The following ANTXRL variants were observed in gnomAD, a reference collection of about 807,000 sequenced individuals.
The protein encoded by ANTXRL is anthrax toxin receptor-like.
Under a neutral mutation model 75.4 loss-of-function variants are expected in ANTXRL, and 63 were observed. That is an observed-to-expected ratio of 0.84 (90% CI 0.68 to 1.03). The LOEUF (loss-of-function observed/expected upper bound fraction) is 1.03, where lower values mean the gene tolerates loss of function less well. ANTXRL is among the 50% of genes least tolerant of loss of function. ANTXRL has a pLI of 0.00. For missense variants in ANTXRL, 797 were observed against 789.4 expected (o/e 1.01, Z -0.12); for synonymous variants, 335 against 291.3 (o/e 1.15, Z -1.53).
chr10:46,300,234 C>T (rs1837638320), intron 9 of ANTXRL, among the ~76,000 whole-genome samples: 1 of 152,172 alleles, frequency 6.6e-6, no homozygotes, highest in African/African-American at 2.4e-5. Context: ...CAAAGCTGCC[C>T]CACATGGAGG....
Position 46,313,283 on chromosome 10 carries a change from G to C in ANTXRL, c.1377G>C (p.Gln459His). ...FCDLSHASCHQVPWMCCQSRD... is the reference protein window; with the variant it reads ...FCDLSHASCHHVPWMCCQSRD... ...ACCTCTCTCACGCAAGCTGCCACCA[G>C]GTGCCATGGATGTGTTGTCAGAGCA... The change falls in exon 16 of 17, where the codon CAG (glutamine) becomes CAC (histidine). Residue 459 changes from glutamine (Q) to histidine (H), a missense_variant. Around this residue, in one of 3 missense-constraint regions of ANTXRL, gnomAD observed 479 missense variants for 422.0 expected, o/e 1.14. Coordinates refer to ENST00000620264, the MANE Select transcript of ANTXRL (RefSeq NM_001278688.3). 1 of 1,535,936 alleles carries C rather than the reference G, an allele frequency of 6.5e-7. No individual in the cohort carries two copies. Among genetic ancestry groups the C allele is most frequent in the Non-Finnish European group, 8.7e-7 (1 of 1,146,748 alleles).
chr10:46,286,170 A>G (rs1264555236), upstream of ANTXRL, among the ~76,000 whole-genome samples: 1 of 152,100 alleles, frequency 6.6e-6, no homozygotes, highest in Non-Finnish European at 1.5e-5. Flanking sequence ...GTTCCTGCCC[A>G]TTGACTCTTG....
chr10:46,297,446 T>G lies in ANTXRL; in HGVS notation c.626T>G (p.Leu209Arg). The G allele has an allele frequency of 2.0e-6, 3 of 1,535,810 alleles. No homozygotes were observed. Among genetic ancestry groups the G allele is most frequent in the Non-Finnish European group, 2.6e-6 (3 of 1,146,714 alleles). ...ARKLGANVYT[L>R]GVADYNLDQI... ...AAACTGGGGGCCAACGTTTACACCC[T>G]GGGTGTGGCTGATTATAATCTGGAT... is the stretch of plus-strand genomic sequence containing the variant. Residue 209 changes from leucine (L) to arginine (R), a missense_variant, in exon 7 of 17, where the codon CTG becomes CGG. Around this residue, in one of 3 missense-constraint regions of ANTXRL, gnomAD observed 262 missense variants for 271.9 expected, o/e 0.96. Coordinates refer to ENST00000620264, the MANE Select transcript of ANTXRL (RefSeq NM_001278688.3).
intron 14 of ANTXRL, among the ~76,000 whole-genome samples, chr10:46,310,877 C>T (rs1402347189): frequency 6.6e-6 from 1 of 152,108 alleles, no homozygotes; most frequent in Non-Finnish European, 1.5e-5. Flanking sequence ...GCTCTAGAGG[C>T]AGGTGTGGCT....
Position 46,295,380 on chromosome 10 carries a change from G to A in ANTXRL, c.393-639G>A, listed in dbSNP as rs137874975. ...GGTTAGAATTTGGATTAGAGTTAGAGTTAGAGTTAGGAATGTCAACCCCAT... is the reference window on the plus strand; with the variant it reads ...GGTTAGAATTTGGATTAGAGTTAGAATTAGAGTTAGGAATGTCAACCCCAT... On this transcript the variant is annotated intron_variant, in intron 3 of 16. Coordinates refer to ENST00000620264, the MANE Select transcript of ANTXRL (RefSeq NM_001278688.3). 5.4e-4 allele frequency among the ~76,000 whole-genome samples: 82 copies of A among 152,132 alleles called. 2 individuals carry two copies. In the East Asian group the frequency reaches 0.016, roughly 29 times the overall value.
rs1481265399 is a variant in ANTXRL, at chr10:46,287,357, A to G, written c.95A>G (p.Tyr32Cys). The G allele has an allele frequency of 3.3e-6, 5 of 1,535,898 alleles. No individual in the cohort carries two copies. The highest frequency in any genetic ancestry group is 4.4e-6 in the Non-Finnish European group (5 of 1,146,784). Residue 32 changes from tyrosine to cysteine, a missense_variant, in exon 1 of 17, where the codon TAC (tyrosine) becomes TGC (cysteine). By Grantham distance (194) the Tyr-to-Cys change is radical. This residue lies in a region of ANTXRL where 262 missense variants were observed against 271.9 expected (regional missense o/e 0.96). Coordinates refer to ENST00000620264, the MANE Select transcript of ANTXRL (RefSeq NM_001278688.3). ...CTTTTTAGAGCAGGAAGCCTTCGGT[A>G]CCATGGACCTGACTGGAGAATATTT... ...PPLFRAGSLR[Y>C]HGPDWRIFHR...
At chr10:46,304,370 A>G (rs1298745076) in intron 10 of ANTXRL, among the ~76,000 whole-genome samples, 4 of 152,264 alleles carry the variant, frequency 2.6e-5, no homozygotes, top group Middle Eastern at 3.4e-3. Context: ...GGAGGTAAAG[A>G]AGACATAGGC....
intron 16 of ANTXRL, among the ~76,000 whole-genome samples, chr10:46,322,756 A>C (rs1261733994): frequency 1.3e-5 from 2 of 152,128 alleles, no homozygotes; most frequent in East Asian, 3.8e-4. Context: ...TAGATACCAA[A>C]TTTGTTTTTC....
chr10:46,326,319 C>T (rs1173764748), intron 16 of ANTXRL, among the ~76,000 whole-genome samples: 1 of 152,040 alleles, frequency 6.6e-6, no homozygotes, highest in South Asian at 2.1e-4. Context: ...TCAGCAGGCC[C>T]CTGAGCCCCA....
At chr10:46,299,862 T>C (rs1192073271) in intron 9 of ANTXRL, among the ~76,000 whole-genome samples, 17 of 152,250 alleles carry the variant, frequency 1.1e-4, no homozygotes, top group African/African-American at 4.1e-4. Context: ...GACACTTCCA[T>C]GATTGGTCCT....
chr10:46,296,799 GGCAGGGCTGCCT>G (rs1252826384), intron 5 of ANTXRL, among the ~76,000 whole-genome samples: 1 of 152,120 alleles, frequency 6.6e-6, no homozygotes, highest in Non-Finnish European at 1.5e-5. Flanking sequence ...CAGAGATGCC[GGCAGGGCTGCCT>G]GCAGGCTCTG....
At chr10:46,299,779 C>G (rs1484797422) in intron 9 of ANTXRL, among the ~76,000 whole-genome samples, 1 of 152,166 alleles carries the variant, frequency 6.6e-6, no homozygotes, top group Non-Finnish European at 1.5e-5. Flanking sequence ...TCTCGTGAGT[C>G]CAAAGGCACT....
chr10:46,293,556 A>C (rs565148773), intron 2 of ANTXRL, among the ~76,000 whole-genome samples: 2 of 144,310 alleles, frequency 1.4e-5, no homozygotes, highest in East Asian at 2.1e-4. Flanking sequence ...TATGTGTGTG[A>C]GTGTGTGCCT....
intron 1 of ANTXRL, among the ~76,000 whole-genome samples, chr10:46,290,653 G>C (rs7895458): frequency 0.52 from 78,547 of 151,964 alleles, 21,592 homozygotes; most frequent in Non-Finnish European, 0.65. Flanking sequence ...ATCTCCTTGA[G>C]GCTTTCATTG....
In ANTXRL at chr10:46,298,972, A is replaced by C. The variant is rs147244993; in HGVS notation, c.796+910A>C. On this transcript the variant is annotated intron_variant, in intron 9 of 16. Coordinates refer to ENST00000620264, the MANE Select transcript of ANTXRL (RefSeq NM_001278688.3). ...GTGGTGGTGTGAGTACCTTTGTACA[A>C]TTAGTGTGTTGTAACCTCACAACGG... 7.2e-4 allele frequency among the ~76,000 whole-genome samples: 109 copies of C among 151,962 alleles called. 1 individual carries two copies. The highest frequency in any genetic ancestry group is 2.4e-3 in the African/African-American group (100 of 41,350).
At chr10:46,322,949 T>A (rs1839049657) in intron 16 of ANTXRL, among the ~76,000 whole-genome samples, 1 of 152,174 alleles carries the variant, frequency 6.6e-6, no homozygotes, top group South Asian at 2.1e-4. Flanking sequence ...TGAGCTTCAA[T>A]CTTAATAATG....
At chr10:46,293,692 C>A in intron 2 of ANTXRL, 137 bp from the exon 3 acceptor site, 1 of 725,308 alleles carries the variant, frequency 1.4e-6, no homozygotes, top group Non-Finnish European at 2.3e-6. Flanking sequence ...TCCTTCACTA[C>A]ATTTATCTCA....
Position 46,329,574 on chromosome 10 carries a change from C to T in ANTXRL, c.1411-25C>T, listed in dbSNP as rs1554967089. 3 of 1,522,338 alleles carry T rather than the reference C, an allele frequency of 2.0e-6. 1 individual carries two copies. The highest frequency in any genetic ancestry group is 2.4e-5 in the South Asian group (2 of 83,252). The allele number at this position is 1,522,338 out of a possible 1,614,324, so 94.3% of individuals were successfully genotyped here. A position where few individuals can be genotyped will look rare whatever the true frequency, so the allele number is the denominator to read the frequency against. On this transcript the variant is annotated intron_variant, in intron 16 of 16. Coordinates refer to ENST00000620264, the MANE Select transcript of ANTXRL (RefSeq NM_001278688.3). ...CCAGTTCGAATGCCATCACGGTGAC[C>T]TTCTCTCTCTTCTCTTCCCTACAGG... is the stretch of plus-strand genomic sequence containing the variant.
chr10:46,296,098 A>C lies in ANTXRL; in HGVS notation c.472A>C (p.Lys158Gln). 1 of 1,535,920 alleles carries C rather than the reference A, an allele frequency of 6.5e-7. No individual in the cohort carries two copies. The highest frequency in any genetic ancestry group is 1.2e-5 in the South Asian group (1 of 84,038). Residue 158 changes from lysine (K) to glutamine (Q), a missense_variant and splice_region_variant, in exon 4 of 17, where the codon AAG becomes CAG. Lys to Gln is a moderately conservative substitution (Grantham distance 53, BLOSUM62 1). This residue lies in a region of ANTXRL where 262 missense variants were observed against 271.9 expected (regional missense o/e 0.96). Transcript: ENST00000620264. The stretch of plus-strand genomic sequence containing the variant: ...CACATTCATGCAGGCAGGATTTAGA[A>C]AGGTATAGACCCCTTGATCTCCTAA... ...GHTFMQAGFR[K>Q]AIQQIESFNS...
Sources: gnomAD v4.1 joint callset for allele counts (sites outside exome capture counted in the v4.1 genomes callset) on GRCh38, gnomAD v4.1.1 for gene constraint, gnomAD v4.1.1 regional missense constraint, MANE v1.5 for transcripts, NCBI Gene and HGNC (gene_info 2026-07-23, HGNC 2026-07-21) for gene names.